NEBL: variants seen among roughly 807,000 people sequenced by gnomAD.
The protein encoded by NEBL is LIM and SH3 protein 2.
A neutral mutation model predicts 140.2 loss-of-function variants in NEBL; 122 were observed. The ratio of observed to expected loss-of-function variants is 0.87; its 90% confidence interval spans 0.75 to 1.01. NEBL has a LOEUF of 1.01. NEBL is among the 50% of genes least tolerant of loss of function. The pLI is 0.00. For synonymous variants in NEBL, 436 were observed against 398.9 expected (o/e 1.09, Z -1.11); for missense variants, 1,365 against 1,231.3 (o/e 1.11, Z -1.62).
intron 18 of NEBL, among the ~76,000 whole-genome samples, chr10:20,825,303 G>A (rs1456399128): frequency 6.6e-6 from 1 of 152,052 alleles, no homozygotes; most frequent in Non-Finnish European, 1.5e-5. Context: ...CAAGGATAAG[G>A]TGAAAAGATA....
intron 1 of NEBL, among the ~76,000 whole-genome samples, chr10:21,280,619 C>CTTTTTTTTTTTTTTTTTTTTTTTT: frequency 1.0e-5 from 1 of 98,134 alleles, no homozygotes; most frequent in Non-Finnish European, 1.9e-5. Flanking sequence ...TTTCTTTTTC[C>CTTTTTTTTTTTTTTTTTTTTTTTT]TTTTTTTTTT....
intron 2 of NEBL, among the ~76,000 whole-genome samples, chr10:21,041,938 A>G (rs1337180855): frequency 6.6e-6 from 1 of 152,198 alleles, no homozygotes; most frequent in Non-Finnish European, 1.5e-5. Context: ...CTAATGCATT[A>G]TAATTGGCAT....
At chr10:20,910,053 C>T (rs978429293) in intron 4 of NEBL, among the ~76,000 whole-genome samples, 5 of 152,248 alleles carry the variant, frequency 3.3e-5, no homozygotes, top group Middle Eastern at 3.4e-3. Context: ...AAAAAAGATT[C>T]TCAGGGTAGG....
intron 3 of NEBL, among the ~76,000 whole-genome samples, chr10:20,987,195 T>C: frequency 6.6e-6 from 1 of 152,164 alleles, no homozygotes; most frequent in East Asian, 1.9e-4. Flanking sequence ...GCTTCTTTTT[T>C]TTTTTTCCTA....
intron 3 of NEBL, among the ~76,000 whole-genome samples, chr10:21,200,494 A>C (rs1025745107): frequency 6.6e-6 from 1 of 151,502 alleles, no homozygotes; most frequent in African/African-American, 2.4e-5. Flanking sequence ...TTGTATTTTT[A>C]ATAGAGATGG....
chr10:21,184,326 T>C (rs1841431256), intron 3 of NEBL, among the ~76,000 whole-genome samples: 1 of 152,216 alleles, frequency 6.6e-6, no homozygotes, highest in Non-Finnish European at 1.5e-5. Context: ...AACCCATTGC[T>C]GGTTGCTCAG....
At chr10:20,805,388 T>G (rs930123677) in intron 26 of NEBL, among the ~76,000 whole-genome samples, 1 of 152,242 alleles carries the variant, frequency 6.6e-6, no homozygotes, top group Non-Finnish European at 1.5e-5. Context: ...TATGGCTCTT[T>G]TGTGGGCACA....
intron 3 of NEBL, among the ~76,000 whole-genome samples, chr10:21,188,537 G>C (rs1171599003): frequency 3.3e-5 from 5 of 151,132 alleles, no homozygotes; most frequent in Admixed American, 3.3e-4. Context: ...AAGTATAATA[G>C]TTGCAAAATG....
chr10:20,946,888 GT>G (rs1428293861), intron 4 of NEBL, among the ~76,000 whole-genome samples: 1 of 152,156 alleles, frequency 6.6e-6, no homozygotes, highest in East Asian at 1.9e-4. Context: ...AAACTGATGG[GT>G]TTTTTTGAAT....
chr10:21,066,834 A>G (rs1835571635), intron 2 of NEBL, among the ~76,000 whole-genome samples: 1 of 151,850 alleles, frequency 6.6e-6, no homozygotes, highest in African/African-American at 2.4e-5. Context: ...CGGTTTTTCT[A>G]TTTAACTGAA....
intron 5 of NEBL, among the ~76,000 whole-genome samples, chr10:20,879,513 C>A (rs755772343): frequency 1.5e-4 from 23 of 152,180 alleles, no homozygotes; most frequent in Non-Finnish European, 5.9e-5. Flanking sequence ...AAACGTAAAA[C>A]CTCATTCCAC....
chr10:20,884,564 T>C (rs1846303853), intron 4 of NEBL, among the ~76,000 whole-genome samples: 1 of 152,244 alleles, frequency 6.6e-6, no homozygotes, highest in African/African-American at 2.4e-5. Context: ...TTGATGGTTA[T>C]TTATAGTGTC....
At position 20,869,778 on chromosome 10, in the gene NEBL, T is replaced by C; in HGVS notation, c.544A>G (p.Ile182Val). 6.2e-7 allele frequency: 1 copy of C among 1,613,592 alleles called. No homozygotes were observed. The highest frequency in any genetic ancestry group is 1.1e-5 in the South Asian group (1 of 91,078). ...TTAGAGATCTGGGTTGCCATCTTGA[T>C]GTCTGGTCGGTCAAGTTCTGCACTG... Reference protein sequence around the residue: ...TYSAELDRPDIKMATQISKII... With the variant: ...TYSAELDRPDVKMATQISKII... Residue 182 changes from isoleucine to valine, a missense_variant, in exon 6 of 28, where the codon ATC (isoleucine) becomes GTC (valine). By Grantham distance (29) the Ile-to-Val change is conservative. Transcript: ENST00000377122.
chr10:20,831,423 C>T (rs1293480579), intron 15 of NEBL, 50 bp downstream of exon 15: 3 of 1,531,744 alleles, frequency 2.0e-6, no homozygotes, highest in Non-Finnish European at 2.7e-6. Context: ...CTCTTTCCAG[C>T]TATGATTCAC....
At chr10:20,929,973 CT>C (rs1156857068) in intron 4 of NEBL, among the ~76,000 whole-genome samples, 1 of 152,118 alleles carries the variant, frequency 6.6e-6, no homozygotes, top group Non-Finnish European at 1.5e-5. Context: ...TACTGGGCCA[CT>C]TCTCATTTCT....
intron 3 of NEBL, among the ~76,000 whole-genome samples, chr10:21,200,890 T>C (rs775239580): frequency 1.3e-5 from 2 of 151,982 alleles, no homozygotes; most frequent in Non-Finnish European, 1.5e-5. Flanking sequence ...GCCCAGGAGT[T>C]TGAGAGCAGC....
At chr10:21,006,018 G>C (rs2131727743) in intron 3 of NEBL, among the ~76,000 whole-genome samples, 1 of 152,242 alleles carries the variant, frequency 6.6e-6, no homozygotes, top group East Asian at 1.9e-4. Flanking sequence ...GGCACACACA[G>C]AGGGTTTGGT....
At chr10:20,944,807 C>T (rs954692561) in intron 4 of NEBL, among the ~76,000 whole-genome samples, 62 of 152,244 alleles carry the variant, frequency 4.1e-4, no homozygotes, top group East Asian at 1.9e-4. Flanking sequence ...TACAGAGATA[C>T]AAGAAATCAT....
chr10:20,974,252 C>CT lies in NEBL; in HGVS notation c.250-12474dup, dbSNP rs200215327. On this transcript the variant is annotated intron_variant, in intron 3 of 6. Transcript: ENST00000417816. ...CAAAGACCATCGCTTAGTTTTTTTTCTTTTTTTTTTTTTTTCTTTTAGACA... is the reference window on the plus strand; with the variant it reads ...CAAAGACCATCGCTTAGTTTTTTTTCTTTTTTTTTTTTTTTTCTTTTAGACA... Among the ~76,000 whole-genome samples, 2,860 of 140,926 alleles carry CT rather than the reference C, an allele frequency of 0.02. 348 individuals are homozygous for CT. In the East Asian group the frequency reaches 0.35, roughly 17 times the overall value. 92.5% of individuals were successfully genotyped at this position (140,926 alleles called of 152,430 possible).
Sources: allele counts gnomAD v4.1 joint callset (sites outside exome capture counted in the v4.1 genomes callset), GRCh38; gene constraint gnomAD v4.1.1; transcripts MANE v1.5; gene names NCBI Gene and HGNC (gene_info 2026-07-23, HGNC 2026-07-21).